The following RLN2 variants were observed in gnomAD, a reference collection of about 807,000 sequenced individuals.
RLN2 encodes relaxin 2, also known as prorelaxin H2.
In RLN2, 10 loss-of-function variants were observed where a neutral mutation model predicts 7.3. The ratio of observed to expected loss-of-function variants is 1.36; its 90% CI spans 0.84 to 2.31. The LOEUF (loss-of-function observed/expected upper bound fraction) is 2.31. RLN2 is among the 30% of genes most tolerant of loss of function. The pLI is 0.00. For missense variants in RLN2, 298 were observed against 217.6 expected (o/e 1.37, Z -2.32); for synonymous variants, 103 against 82.3 (o/e 1.25, Z -1.36).
the RLN2 span, among the ~76,000 whole-genome samples, chr9:5,320,585 G>A: frequency 6.6e-6 from 1 of 151,794 alleles, no homozygotes; most frequent in South Asian, 2.1e-4. Flanking sequence ...GGGCCAGGCT[G>A]CTCTCAAACT....
the RLN2 span, among the ~76,000 whole-genome samples, chr9:5,330,839 A>G: frequency 6.6e-6 from 1 of 151,640 alleles, no homozygotes; most frequent in East Asian, 1.9e-4. Flanking sequence ...AACAAAATAG[A>G]TAGACCACTA....
the RLN2 span, among the ~76,000 whole-genome samples, chr9:5,312,732 A>AG: frequency 6.6e-6 from 1 of 151,738 alleles, no homozygotes; most frequent in Non-Finnish European, 1.5e-5. Context: ...AAAAAAAAAA[A>AG]GAATTGCTTG....
the RLN2 span, among the ~76,000 whole-genome samples, chr9:5,331,848 G>A: frequency 6.6e-6 from 1 of 151,816 alleles, no homozygotes; most frequent in Admixed American, 6.6e-5. Context: ...TAAATAAACT[G>A]GTGCAACCTC....
At chr9:5,336,245 G>C in the RLN2 span, among the ~76,000 whole-genome samples, 20 of 152,124 alleles carry the variant, frequency 1.3e-4, no homozygotes, top group African/African-American at 4.8e-4. Context: ...AGAGAAGTGG[G>C]TTAAAAGATC....
At chr9:5,328,265 G>T in the RLN2 span, among the ~76,000 whole-genome samples, 3 of 152,106 alleles carry the variant, frequency 2.0e-5, no homozygotes, top group Middle Eastern at 3.4e-3. Context: ...CGTGACGCAT[G>T]CACAAGCTTC....
the RLN2 span, chr9:5,339,171 G>C: frequency 5.1e-6 from 1 of 195,238 alleles, no homozygotes. Context: ...TGGGGTGCAG[G>C]AGTGCGCCCG....
the RLN2 span, among the ~76,000 whole-genome samples, chr9:5,331,177 G>C: frequency 2.6e-5 from 4 of 151,966 alleles, no homozygotes; most frequent in African/African-American, 9.7e-5. Context: ...GTATAAAAAG[G>C]AGCTGGTACC....
chr9:5,335,578 G>A, the RLN2 span: 1 of 1,606,416 alleles, frequency 6.2e-7, no homozygotes, highest in African/African-American at 1.3e-5. Context: ...TATCTTTGTT[G>A]ATGAAGGATG....
chr9:5,311,823 TTTTTC>T, the RLN2 span: 1 of 620,528 alleles, frequency 1.6e-6, no homozygotes, highest in South Asian at 1.9e-5. Flanking sequence ...TTTAGTATTT[TTTTTC>T]TTTTTTTTTT....
chr9:5,333,832 G>A, the RLN2 span, among the ~76,000 whole-genome samples: 1 of 151,908 alleles, frequency 6.6e-6, no homozygotes, highest in African/African-American at 2.4e-5. Flanking sequence ...CAATCAAGAC[G>A]GCTTTATCCC....
upstream of RLN2, among the ~76,000 whole-genome samples, chr9:5,306,631 G>A (rs1816257052): frequency 6.6e-6 from 1 of 151,982 alleles, no homozygotes; most frequent in African/African-American, 2.4e-5. Flanking sequence ...AAATAAAAAG[G>A]AAATCTTTTT....
At chr9:5,336,170 C>T in the RLN2 span, among the ~76,000 whole-genome samples, 1 of 152,024 alleles carries the variant, frequency 6.6e-6, no homozygotes, top group Non-Finnish European at 1.5e-5. Flanking sequence ...GTTCCTCAAT[C>T]ATCTATTTAA....
chr9:5,316,138 A>G, the RLN2 span, among the ~76,000 whole-genome samples: 1 of 152,010 alleles, frequency 6.6e-6, no homozygotes, highest in African/African-American at 2.4e-5. Context: ...AATAATAACT[A>G]CAATAAGTTG....
At chr9:5,323,203 T>A in the RLN2 span, among the ~76,000 whole-genome samples, 1 of 151,944 alleles carries the variant, frequency 6.6e-6, no homozygotes, top group East Asian at 1.9e-4. Flanking sequence ...TAAGATAGTA[T>A]CTGTCTCAGT....
chr9:5,319,576 T>A, the RLN2 span, among the ~76,000 whole-genome samples: 2 of 152,106 alleles, frequency 1.3e-5, no homozygotes, highest in African/African-American at 4.8e-5. Flanking sequence ...TTACTAGGGT[T>A]TGGGTAAAGT....
chr9:5,323,665 C>T, the RLN2 span, among the ~76,000 whole-genome samples: 2 of 152,014 alleles, frequency 1.3e-5, no homozygotes, highest in South Asian at 4.2e-4. Flanking sequence ...AATATCTAAC[C>T]TAATAGAATT....
the RLN2 span, among the ~76,000 whole-genome samples, chr9:5,337,432 T>G: frequency 6.6e-6 from 1 of 152,088 alleles, no homozygotes; most frequent in Admixed American, 6.5e-5. Context: ...ATATTCTGTC[T>G]GAATTCATGC....
chr9:5,310,295 C>A, the RLN2 span, among the ~76,000 whole-genome samples: 1 of 151,944 alleles, frequency 6.6e-6, no homozygotes. Context: ...AGAAAGAGAA[C>A]AAAACCACGA....
the RLN2 span, among the ~76,000 whole-genome samples, chr9:5,337,073 C>G: frequency 6.6e-6 from 1 of 152,076 alleles, no homozygotes; most frequent in African/African-American, 2.4e-5. Context: ...ACATTCTAAA[C>G]TGGAAATGAC....
Sources: gnomAD v4.1 joint callset for allele counts (sites outside exome capture counted in the v4.1 genomes callset) on GRCh38, gnomAD v4.1.1 for gene constraint, MANE v1.5 for transcripts, NCBI Gene and HGNC (gene_info 2026-07-23, HGNC 2026-07-21) for gene names.